Variants in UBE2D1 observed in about 807,000 individuals in gnomAD.
UBE2D1 encodes the protein ubiquitin-conjugating enzyme E2 D1.
In UBE2D1, 9 loss-of-function variants were observed where a neutral mutation model predicts 24.6. That is an observed-to-expected ratio of 0.37 (90% CI 0.22 to 0.64). The LOEUF (loss-of-function observed/expected upper bound fraction) is 0.64, where lower values mean the gene tolerates loss of function less well. UBE2D1 is among the 30% of genes least tolerant of loss of function. UBE2D1 has a pLI of 0.64. For missense variants in UBE2D1, 87 were observed against 177.1 expected (o/e 0.49, Z 2.89); for synonymous variants, 57 against 57.6 (o/e 0.99, Z 0.04).
chr10:58,344,189 C>T (rs148450065), intron 1 of UBE2D1, among the ~76,000 whole-genome samples: 2,638 of 152,284 alleles, frequency 0.017, 37 homozygotes, highest in Middle Eastern at 0.027. Context: ...ACTTATCACA[C>T]TTTTGTTTCT....
At chr10:58,352,053 A>T (rs1011409856) in intron 1 of UBE2D1, among the ~76,000 whole-genome samples, 1 of 152,062 alleles carries the variant, frequency 6.6e-6, no homozygotes, top group Non-Finnish European at 1.5e-5. Context: ...TTGAAAAAAA[A>T]CTTTCCCTCT....
At chr10:58,366,861 C>A (rs569012643) in intron 5 of UBE2D1, among the ~76,000 whole-genome samples, 13 of 152,226 alleles carry the variant, frequency 8.5e-5, no homozygotes, top group Middle Eastern at 6.8e-3. Context: ...GCATTATAGG[C>A]ACATACCACC....
chr10:58,356,982 G>A lies in UBE2D1; in HGVS notation c.25-4356G>A, dbSNP rs1026617935. On this transcript the variant is annotated intron_variant, in intron 1 of 6. Transcript: ENST00000373910. ...GGAAGCCTGGGGGGCTTATGAAATC[G>A]TTATTGGGAGGCTATTTATAGGGTG... 1.3e-4 allele frequency among the ~76,000 whole-genome samples: 20 copies of A among 152,266 alleles called. No homozygotes were observed. In the East Asian group the frequency reaches 3.3e-3, roughly 25 times the overall value.
intron 3 of UBE2D1, among the ~76,000 whole-genome samples, chr10:58,361,767 A>G (rs1165276775): frequency 2.0e-5 from 3 of 151,608 alleles, no homozygotes; most frequent in African/African-American, 7.3e-5. Context: ...ATGGAGTGCC[A>G]CAGCTCGCAA....
intron 3 of UBE2D1, among the ~76,000 whole-genome samples, chr10:58,361,795 CTT>C (rs770860227): frequency 5.9e-4 from 78 of 131,218 alleles, no homozygotes; most frequent in Admixed American, 8.4e-4. Context: ...GTGTGTTTAT[CTT>C]TTTTTTTTTT....
chr10:58,355,089 G>A (rs1407197893), intron 1 of UBE2D1, among the ~76,000 whole-genome samples: 1 of 152,062 alleles, frequency 6.6e-6, no homozygotes, highest in Non-Finnish European at 1.5e-5. Context: ...TAAGCCTCTG[G>A]AAAACTCTAC....
chr10:58,360,618 A>G (rs1435453642), intron 1 of UBE2D1, among the ~76,000 whole-genome samples: 1 of 152,110 alleles, frequency 6.6e-6, no homozygotes, highest in Non-Finnish European at 1.5e-5. Flanking sequence ...TTTATTTCCC[A>G]TTTCAAGTTG....
chr10:58,361,433 A>G lies in UBE2D1; in HGVS notation c.88+32A>G, dbSNP rs904394762. 15 of 1,614,114 alleles carry G rather than the reference A, an allele frequency of 9.3e-6. No homozygotes were observed. The East Asian group carries it at 3.3e-4, about 36-fold the overall frequency. On this transcript the variant is annotated intron_variant, in intron 2 of 6. Coordinates refer to ENST00000373910, the MANE Select transcript of UBE2D1 (RefSeq NM_003338.5). ...CTTGCTCTATTTCTGGGATTATGCT[A>G]CCTTTAAAAATATAGGTTTGAACAT...
At chr10:58,342,435 G>A (rs1320302023) in intron 1 of UBE2D1, among the ~76,000 whole-genome samples, 1 of 151,968 alleles carries the variant, frequency 6.6e-6, no homozygotes, top group African/African-American at 2.4e-5. Context: ...TAATCTGATT[G>A]TTCTCATTCT....
At chr10:58,345,468 G>A (rs1040654668) in intron 1 of UBE2D1, among the ~76,000 whole-genome samples, 1 of 152,230 alleles carries the variant, frequency 6.6e-6, no homozygotes, top group South Asian at 2.1e-4. Context: ...GCAAGACCCT[G>A]TCTCAAAAGA....
intron 1 of UBE2D1, among the ~76,000 whole-genome samples, chr10:58,350,394 ATG>A (rs34415625): frequency 0.52 from 79,318 of 151,732 alleles, 21,683 homozygotes; most frequent in African/African-American, 0.7. Context: ...ATATATATAT[ATG>A]TGTATTGGCC....
At chr10:58,355,062 A>G (rs1840116485) in intron 1 of UBE2D1, among the ~76,000 whole-genome samples, 1 of 152,212 alleles carries the variant, frequency 6.6e-6, no homozygotes, top group Non-Finnish European at 1.5e-5. Flanking sequence ...TTAATCTGTT[A>G]AAATACCACA....
intron 1 of UBE2D1, among the ~76,000 whole-genome samples, chr10:58,354,901 C>G (rs975326229): frequency 3.9e-5 from 6 of 152,098 alleles, no homozygotes; most frequent in African/African-American, 1.4e-4. Context: ...TTAAGAATAA[C>G]AAATCCACTG....
chr10:58,344,772 A>G (rs1839997887), intron 1 of UBE2D1, among the ~76,000 whole-genome samples: 1 of 151,520 alleles, frequency 6.6e-6, no homozygotes, highest in Admixed American at 6.6e-5. Context: ...GCTTTTCTCT[A>G]TTTGTTAGCT....
At chr10:58,348,394 T>C (rs1840038568) in intron 1 of UBE2D1, among the ~76,000 whole-genome samples, 1 of 152,218 alleles carries the variant, frequency 6.6e-6, no homozygotes, top group Non-Finnish European at 1.5e-5. Context: ...TTATATATCC[T>C]TTTAGAGGCA....
Position 58,335,058 on chromosome 10 carries a change from C to G in UBE2D1, c.-144C>G, listed in dbSNP as rs1040092095. 7 of 853,776 alleles carry G rather than the reference C, an allele frequency of 8.2e-6. No individual in the cohort carries two copies. The African/African-American group carries it at 1.3e-4, about 15-fold the overall frequency. The allele number at this position is 853,776 out of a possible 1,614,324, so 52.9% of individuals were successfully genotyped here. On this transcript the variant is annotated 5_prime_UTR_variant, in exon 1 of 7. Coordinates refer to ENST00000373910, the MANE Select transcript of UBE2D1 (RefSeq NM_003338.5). ...CGCACACGGAGCAGGGACCGGCGCC[C>G]GGAGCGAGCCAGGGAGCGGCTAACC...
Position 58,354,230 on chromosome 10 carries a change from A to G in UBE2D1, c.25-7108A>G, listed in dbSNP as rs149867388. On this transcript the variant is annotated intron_variant, in intron 1 of 6. Transcript: ENST00000373910. ...TCAAAGAGGTTAAGTAAATTGCCCA[A>G]GGTCACACAGCTAGTAATTGGACTT... is the stretch of plus-strand genomic sequence containing the variant. Among the ~76,000 whole-genome samples, 385 of 152,314 alleles carry G rather than the reference A, an allele frequency of 2.5e-3. 1 individual carries two copies. Among genetic ancestry groups the G allele is most frequent in the African/African-American group, 8.7e-3 (361 of 41,566 alleles).
intron 1 of UBE2D1, among the ~76,000 whole-genome samples, chr10:58,349,570 A>G (rs962824850): frequency 6.6e-6 from 1 of 152,192 alleles, no homozygotes. Flanking sequence ...TTTGATAGCC[A>G]TCTTTTCCAT....
intron 1 of UBE2D1, among the ~76,000 whole-genome samples, chr10:58,353,378 C>T (rs1392517921): frequency 6.6e-6 from 1 of 152,182 alleles, no homozygotes; most frequent in Non-Finnish European, 1.5e-5. Flanking sequence ...TGCAGCTTGT[C>T]TGTGGGCAGC....
Sources: gnomAD v4.1 joint callset for allele counts (sites outside exome capture counted in the v4.1 genomes callset) on GRCh38, gnomAD v4.1.1 for gene constraint, MANE v1.5 for transcripts, NCBI Gene and HGNC (gene_info 2026-07-23, HGNC 2026-07-21) for gene names.